TEX14: variants seen among roughly 807,000 people sequenced by gnomAD.
TEX14 encodes the protein inactive serine/threonine-protein kinase TEX14.
A neutral mutation model predicts 178.6 loss-of-function variants in TEX14; 168 were observed. That is an observed-to-expected ratio of 0.94 (90% CI 0.83 to 1.07). TEX14 has a LOEUF of 1.07. TEX14 is among the 50% of genes least tolerant of loss of function. The pLI, the probability that TEX14 is intolerant of heterozygous loss-of-function variation, is 0.00. For missense variants in TEX14, 1,730 were observed against 1,753.6 expected (o/e 0.99, Z 0.24); for synonymous variants, 626 against 634.1 (o/e 0.99, Z 0.19).
chr17:58,667,554 T>G (rs114616021), intron 1 of TEX14, among the ~76,000 whole-genome samples: 1 of 152,250 alleles, frequency 6.6e-6, no homozygotes, highest in African/African-American at 2.4e-5. Flanking sequence ...AATGGAATCA[T>G]CCCCATTTCA....
At chr17:58,651,194 C>T (rs758530987) in intron 2 of TEX14, among the ~76,000 whole-genome samples, 1 of 152,184 alleles carries the variant, frequency 6.6e-6, no homozygotes, top group Non-Finnish European at 1.5e-5. Flanking sequence ...GGAGAATCAC[C>T]TGAGCCCGTG....
chr17:58,601,986 T>G, intron 12 of TEX14, 30 bp from the exon 13 acceptor site: 1 of 1,610,508 alleles, frequency 6.2e-7, no homozygotes, highest in Non-Finnish European at 8.5e-7. Context: ...GTCAAGGACA[T>G]AGTCTCAGTC....
chr17:58,658,007 T>C (rs1206134193), intron 1 of TEX14, among the ~76,000 whole-genome samples: 3 of 152,196 alleles, frequency 2.0e-5, no homozygotes, highest in Non-Finnish European at 4.4e-5. Context: ...CTGGCTCATC[T>C]GATCTTGTGG....
chr17:58,636,076 G>A (rs912437229), intron 2 of TEX14, among the ~76,000 whole-genome samples: 11 of 152,200 alleles, frequency 7.2e-5, no homozygotes, highest in Admixed American at 2.6e-4. Context: ...CCACTTAGGG[G>A]AAGGCACAGA....
intron 2 of TEX14, among the ~76,000 whole-genome samples, chr17:58,647,561 T>C (rs1232330831): frequency 6.8e-6 from 1 of 147,316 alleles, no homozygotes; most frequent in Non-Finnish European, 1.5e-5. Context: ...CTGCCTGAGA[T>C]GCCTCTCAAG....
intron 13 of TEX14, among the ~76,000 whole-genome samples, chr17:58,601,427 C>A (rs1225288967): frequency 1.3e-5 from 2 of 151,316 alleles, no homozygotes; most frequent in Non-Finnish European, 2.9e-5. Flanking sequence ...GAGGCTGAGG[C>A]AGGAGAATTG....
intron 10 of TEX14, among the ~76,000 whole-genome samples, chr17:58,608,631 G>A (rs73993687): frequency 1.9e-3 from 286 of 152,332 alleles, no homozygotes; most frequent in African/African-American, 6.7e-3. Flanking sequence ...CCCAGAGCTG[G>A]TGATGAACTC....
At chr17:58,658,716 A>G (rs1462044404) in intron 1 of TEX14, among the ~76,000 whole-genome samples, 2 of 152,064 alleles carry the variant, frequency 1.3e-5, no homozygotes, top group Admixed American at 1.3e-4. Context: ...AAAGGCTAAC[A>G]TAGCAAACTG....
intron 16 of TEX14, 114 bp from the exon 17 acceptor site, chr17:58,587,780 C>T (rs1223874989): frequency 8.6e-7 from 1 of 1,158,764 alleles, no homozygotes; most frequent in South Asian, 1.3e-5. Context: ...AGGACCTGTT[C>T]CCTACTCCCT....
intron 28 of TEX14, among the ~76,000 whole-genome samples, chr17:58,562,402 G>A (rs1485921511): frequency 1.3e-5 from 2 of 152,242 alleles, no homozygotes; most frequent in African/African-American, 4.8e-5. Flanking sequence ...TGAGATGACT[G>A]AGCATCTGTG....
intron 1 of TEX14, among the ~76,000 whole-genome samples, chr17:58,689,983 G>A (rs1014217825): frequency 1.3e-5 from 2 of 151,318 alleles, no homozygotes; most frequent in African/African-American, 4.9e-5. Context: ...CCGAGTAGCT[G>A]GGACTACAGG....
intron 2 of TEX14, among the ~76,000 whole-genome samples, chr17:58,637,857 T>C (rs1436100609): frequency 1.1e-5 from 1 of 93,474 alleles, no homozygotes; most frequent in African/African-American, 3.5e-5. Flanking sequence ...ACCTACTGCC[T>C]TTTTTTTTTT....
At chr17:58,581,525 T>C in intron 19 of TEX14, 4 of 1,441,836 alleles carry the variant, frequency 2.8e-6, no homozygotes, top group Non-Finnish European at 3.8e-6. Context: ...TTACATACTT[T>C]GATATGTAAG....
Position 58,586,083 on chromosome 17 carries a change from C to G in TEX14, c.2789-1G>C. 6.2e-7 allele frequency: 1 copy of G among 1,611,796 alleles called. No homozygotes were observed. The highest frequency in any genetic ancestry group is 8.5e-7 in the Non-Finnish European group (1 of 1,178,376). ...TTCTTTGCCATTTCTTTCACCTCCA[C>G]TGTGCATAAGAGAAAGCAGCATTTA... On this transcript the variant is annotated splice_acceptor_variant, in intron 17 of 31. Coordinates refer to ENST00000349033, the MANE Select transcript of TEX14 (RefSeq NM_031272.5). LOFTEE classifies it high-confidence loss of function.
intron 18 of TEX14, among the ~76,000 whole-genome samples, chr17:58,584,922 C>T (rs1021463360): frequency 1.2e-4 from 18 of 152,202 alleles, no homozygotes; most frequent in Admixed American, 1.1e-3. Flanking sequence ...TTATAAACAA[C>T]TGTGAAACAA....
intron 14 of TEX14, among the ~76,000 whole-genome samples, chr17:58,597,715 C>G (rs538050639): frequency 6.6e-6 from 1 of 152,210 alleles, no homozygotes; most frequent in Non-Finnish European, 1.5e-5. Context: ...AGCCAGCTCT[C>G]TGAGTGTGAA....
rs1166338494 is a variant in TEX14, at chr17:58,666,674, G to A, written c.-1-14672C>T. Reference sequence around the variant, plus strand: ...GGGAAAAACCACCTCCATAATCACAGTATTTCTCCTGACAGGTAATTATGA... The same window carrying A: ...GGGAAAAACCACCTCCATAATCACAATATTTCTCCTGACAGGTAATTATGA... On this transcript the variant is annotated intron_variant, in intron 1 of 31. Transcript: ENST00000349033. 3.3e-5 allele frequency: 5 copies of A among 152,112 alleles called. No individual in the cohort carries two copies. The South Asian group carries it at 8.3e-4, about 25-fold the overall frequency. The allele number at this position is 152,112 out of a possible 1,614,324, so 9.4% of individuals were successfully genotyped here.
intron 11 of TEX14, among the ~76,000 whole-genome samples, chr17:58,603,846 T>G (rs903435655): frequency 6.9e-6 from 1 of 144,972 alleles, no homozygotes; most frequent in Non-Finnish European, 1.5e-5. Flanking sequence ...AGAGTGAGAC[T>G]CTGTCAAAAA....
In TEX14 at chr17:58,586,194, T is replaced by C. The variant is rs920068830; in HGVS notation, c.2789-112A>G. The C allele has an allele frequency of 6.6e-6, 8 of 1,204,058 alleles. No homozygotes were observed. The African/African-American group carries it at 1.2e-4, about 19-fold the overall frequency. 74.6% of individuals were successfully genotyped at this position (1,204,058 alleles called of 1,614,324 possible). On this transcript the variant is annotated intron_variant, in intron 17 of 31. Coordinates refer to ENST00000349033, the MANE Select transcript of TEX14 (RefSeq NM_031272.5). ...TATAACTCATAGTGTAACAATTGCC[T>C]TTTTACAGTTGCATCATCCTTAGCT...
Sources: allele counts gnomAD v4.1 joint callset (sites outside exome capture counted in the v4.1 genomes callset), GRCh38; gene constraint gnomAD v4.1.1; transcripts MANE v1.5; gene names NCBI Gene and HGNC (gene_info 2026-07-23, HGNC 2026-07-21).